SCN4A: variants seen among roughly 807,000 people sequenced by gnomAD.
SCN4A encodes sodium channel protein type 4 subunit alpha.
Under a neutral mutation model 162.0 loss-of-function variants are expected in SCN4A, and 83 were observed. That is an observed-to-expected ratio of 0.51 (90% CI 0.43 to 0.61). The LOEUF (loss-of-function observed/expected upper bound fraction) is 0.61, where lower values mean the gene tolerates loss of function less well. Ranked by LOEUF, SCN4A falls within the 20% of genes least tolerant of loss-of-function variation. SCN4A has a pLI of 0.00. For missense variants in SCN4A, 2,196 were observed against 2,462.5 expected (o/e 0.89, Z 2.29); for synonymous variants, 944 against 985.1 (o/e 0.96, Z 0.78).
chr17:63,964,407 C>T, intron 9 of SCN4A, 61 bp downstream of exon 9: 1 of 1,486,674 alleles, frequency 6.7e-7, no homozygotes, highest in Non-Finnish European at 9.3e-7. Flanking sequence ...AAGCCAGTGG[C>T]AGCCCCGGCT....
At position 63,944,815 on chromosome 17, in the gene SCN4A, G is replaced by A. The variant is rs777201502; in HGVS notation, c.3775-5C>T. 1.9e-6 allele frequency: 3 copies of A among 1,613,144 alleles called. No homozygotes were observed. Among genetic ancestry groups the A allele is most frequent in the African/African-American group, 2.7e-5 (2 of 74,910 alleles). On this transcript the variant is annotated splice_region_variant and splice_polypyrimidine_tract_variant and intron_variant, in intron 20 of 23. Transcript: ENST00000435607. This position sits in a 1 kb window ranked among gnomAD's most constrained non-coding sequence, Gnocchi z 4.3. ...GTACTGCGGCTGCTCCTCCTTCTGT[G>A]GGAGCCACAGGGTGGGACGGCGTGG...
At chr17:63,963,635 C>A in intron 10 of SCN4A, 37 bp downstream of exon 10, 1 of 1,510,828 alleles carries the variant, frequency 6.6e-7, no homozygotes, top group Non-Finnish European at 8.8e-7. Context: ...CAGGCTCCAC[C>A]CCTACCTAAG....
chr17:63,947,395 A>G (rs1330296402), intron 17 of SCN4A, among the ~76,000 whole-genome samples: 1 of 150,712 alleles, frequency 6.6e-6, no homozygotes, highest in African/African-American at 2.4e-5. Flanking sequence ...GATGACTGTG[A>G]GTAGGAGGGA....
In SCN4A at chr17:63,945,127, C is replaced by T; in HGVS notation, c.3721-67G>A. ...CTGCTTTCATCATCCATGAGTTTCC[C>T]TCCCCCACCCAACCTGGTCCTCCCC... On this transcript the variant is annotated intron_variant, in intron 19 of 23. Transcript: ENST00000435607. The surrounding 1 kb of genome is among the most constrained non-coding windows in gnomAD (Gnocchi z 4.4). 6.6e-7 allele frequency: 1 copy of T among 1,525,766 alleles called. No homozygotes were observed. Among genetic ancestry groups the T allele is most frequent in the African/African-American group, 1.4e-5 (1 of 73,378 alleles). 94.5% of individuals were successfully genotyped at this position (1,525,766 alleles called of 1,614,324 possible).
rs1422978630 is a variant in SCN4A at position 63,971,828 on chromosome 17, T to C, written c.505A>G (p.Thr169Ala). ...NVEYTFTGIYTFESLIKILAR... is the reference protein window; with the variant it reads ...NVEYTFTGIYAFESLIKILAR... ...AGTATCTTGATGAGGGACTCAAAGG[T>C]GTAGATCCCTGTGAAGGTGTACCTG... Residue 169 changes from threonine to alanine, a missense_variant, in exon 4 of 24, where the codon ACC becomes GCC. Transcript: ENST00000435607. 2.5e-6 allele frequency: 4 copies of C among 1,613,314 alleles called. No homozygotes were observed. Among genetic ancestry groups the C allele is most frequent in the Non-Finnish European group, 1.7e-6 (2 of 1,179,658 alleles).
At position 63,951,363 on chromosome 17, in the gene SCN4A, C is replaced by T; in HGVS notation, c.2853+61G>A. 1.7e-6 allele frequency: 2 copies of T among 1,196,978 alleles called. No individual in the cohort carries two copies. The highest frequency in any genetic ancestry group is 2.4e-5 in the Admixed American group (1 of 41,080). 74.1% of individuals were successfully genotyped at this position (1,196,978 alleles called of 1,614,324 possible). On this transcript the variant is annotated intron_variant, in intron 14 of 23. Coordinates refer to ENST00000435607, the MANE Select transcript of SCN4A (RefSeq NM_000334.4). The surrounding 1 kb of genome is among the most constrained non-coding windows in gnomAD (Gnocchi z 4.5). Reference sequence around the variant, plus strand: ...ACTGAGGCTCAGAGAGGACTTAGGGCTTGCTCCAGGTCACAGGAGAATTTG... The same window carrying T: ...ACTGAGGCTCAGAGAGGACTTAGGGTTTGCTCCAGGTCACAGGAGAATTTG...
Position 63,944,840 on chromosome 17 carries a change from G to T in SCN4A, c.3775-30C>A, listed in dbSNP as rs1345770189. ...GGGAGCCACAGGGTGGGACGGCGTG[G>T]GTTTGCACGCTGGCTTCTCCCTGCC... is the stretch of plus-strand genomic sequence containing the variant. On this transcript the variant is annotated intron_variant, in intron 20 of 23. Coordinates refer to ENST00000435607, the MANE Select transcript of SCN4A (RefSeq NM_000334.4). This position sits in a 1 kb window ranked among gnomAD's most constrained non-coding sequence, Gnocchi z 4.3. 2 of 1,610,614 alleles carry T rather than the reference G, an allele frequency of 1.2e-6. No individual in the cohort carries two copies. The highest frequency in any genetic ancestry group is 1.7e-5 in the Admixed American group (1 of 59,688).
At chr17:63,959,529 T>G in intron 11 of SCN4A, 91 bp from the exon 12 acceptor site, 4 of 1,254,280 alleles carry the variant, frequency 3.2e-6, no homozygotes, top group South Asian at 1.3e-5. Context: ...TGGCAGAGGC[T>G]GCGGGGGCGG....
intron 13 of SCN4A, among the ~76,000 whole-genome samples, chr17:63,954,351 C>G (rs767208364): frequency 4.6e-5 from 7 of 152,152 alleles, no homozygotes; most frequent in Non-Finnish European, 8.8e-5. Context: ...CCCACCAAAA[C>G]GCATTAGTCT....
At chr17:63,955,630 A>G (rs1383824399) in intron 13 of SCN4A, among the ~76,000 whole-genome samples, 1 of 152,256 alleles carries the variant, frequency 6.6e-6, no homozygotes, top group East Asian at 1.9e-4. Context: ...CTGAAGACTC[A>G]GTCACCCCCA....
chr17:63,945,530 C>G lies in SCN4A; in HGVS notation c.3550G>C (p.Gly1184Arg), dbSNP rs775287099. The G allele has an allele frequency of 1.2e-6, 2 of 1,613,918 alleles. No individual in the cohort carries two copies. The highest frequency in any genetic ancestry group is 1.7e-6 in the Non-Finnish European group (2 of 1,179,870). The part of the protein sequence containing the change: ...FSIMGVNLFA[G>R]KFYYCINTTT... The stretch of plus-strand genomic sequence containing the variant: ...GTGTTGATGCAGTAGTAGAACTTGC[C>G]GGCAAACAGGTTGACACCCATGATG... The change falls in exon 19 of 24, where the codon GGC (glycine) becomes CGC (arginine). Residue 1184 changes from glycine to arginine, a missense_variant. Physicochemically the swap from Gly to Arg is moderately radical, Grantham distance 125. Coordinates refer to ENST00000435607, the MANE Select transcript of SCN4A (RefSeq NM_000334.4). This position sits in a 1 kb window ranked among gnomAD's most constrained non-coding sequence, Gnocchi z 4.4.
At chr17:63,955,382 A>G (rs918004018) in intron 13 of SCN4A, among the ~76,000 whole-genome samples, 1 of 152,332 alleles carries the variant, frequency 6.6e-6, no homozygotes, top group South Asian at 2.1e-4. Flanking sequence ...GCACGCCTGC[A>G]ACACCTGTAC....
chr17:63,943,082 G>A lies in SCN4A; in HGVS notation c.4032C>T (p.Gly1344=), dbSNP rs1908598072. ...PIPRPQNKIQ[G]MVYDLVTKQA... ...GCTTCGTCACGAGGTCATACACCAT[G>A]CCCTGGATCTTGTTCTGCAGCATGG... The change falls in exon 23 of 24, where the codon GGC becomes GGT. Residue 1344 remains glycine (G), a synonymous_variant. Transcript: ENST00000435607. 5.6e-6 allele frequency: 9 copies of A among 1,611,022 alleles called. No individual in the cohort carries two copies. Among genetic ancestry groups the A allele is most frequent in the Non-Finnish European group, 7.6e-6 (9 of 1,177,438 alleles).
At chr17:63,943,169 G>A in intron 22 of SCN4A, 73 bp from the exon 23 acceptor site, 2 of 1,434,770 alleles carry the variant, frequency 1.4e-6, no homozygotes, top group Non-Finnish European at 1.9e-6. Flanking sequence ...ACAGGCAGGA[G>A]GCACAGGATG....
chr17:63,947,179 G>A lies in SCN4A; in HGVS notation c.3319-12C>T, dbSNP rs766233648. On this transcript the variant is annotated splice_polypyrimidine_tract_variant and intron_variant, in intron 17 of 23. Transcript: ENST00000435607. ...CTGATGATGGAGACCTGCAGGGGAG[G>A]GGTGAGGGGATCAGTGCGTGCAAGG... The A allele has an allele frequency of 1.2e-5, 19 of 1,612,862 alleles. No homozygotes were observed. Among genetic ancestry groups the A allele is most frequent in the Admixed American group, 1.7e-5 (1 of 60,014 alleles).
At position 63,944,644 on chromosome 17, in the gene SCN4A, A is replaced by T. The variant is rs1908653156; in HGVS notation, c.3912+29T>A. ...GGCAGGAGGGAGGCCCAGCACCGGGAGGGCCCGAGGGGCTGGGCTGATACT... is the reference window on the plus strand; with the variant it reads ...GGCAGGAGGGAGGCCCAGCACCGGGTGGGCCCGAGGGGCTGGGCTGATACT... On this transcript the variant is annotated intron_variant, in intron 21 of 23. Coordinates refer to ENST00000435607, the MANE Select transcript of SCN4A (RefSeq NM_000334.4). The surrounding 1 kb of genome is among the most constrained non-coding windows in gnomAD (Gnocchi z 4.3). The T allele has an allele frequency of 2.5e-6, 4 of 1,579,294 alleles. No individual in the cohort carries two copies. Among genetic ancestry groups the T allele is most frequent in the Non-Finnish European group, 3.4e-6 (4 of 1,161,724 alleles).
Position 63,943,155 on chromosome 17 carries a change from A to G in SCN4A, c.4018-59T>C. On this transcript the variant is annotated intron_variant, in intron 22 of 23. Coordinates refer to ENST00000435607, the MANE Select transcript of SCN4A (RefSeq NM_000334.4). ...TGGGGTGGCCAGGCCCAGACAGGAC[A>G]TGGACAGGCAGGAGGCACAGGATGG... The G allele has an allele frequency of 5.7e-6, 9 of 1,566,108 alleles. No individual in the cohort carries two copies. In the South Asian group the frequency reaches 7.2e-5, roughly 12 times the overall value.
At chr17:63,963,471 A>G (rs1355055743) in intron 10 of SCN4A, among the ~76,000 whole-genome samples, 2 of 152,246 alleles carry the variant, frequency 1.3e-5, no homozygotes, top group African/African-American at 4.8e-5. Context: ...TAAATATAGT[A>G]TAAATATAGC....
chr17:63,968,594 G>A (rs1909527495), intron 5 of SCN4A, among the ~76,000 whole-genome samples: 2 of 152,196 alleles, frequency 1.3e-5, no homozygotes, highest in South Asian at 4.1e-4. Context: ...ATAAAGACCT[G>A]ATGGGCTGTT....
Sources: gnomAD v4.1 joint callset for allele counts (sites outside exome capture counted in the v4.1 genomes callset) on GRCh38, gnomAD v4.1.1 for gene constraint, Gnocchi (gnomAD v3.1) non-coding constraint, MANE v1.5 for transcripts, NCBI Gene and HGNC (gene_info 2026-07-23, HGNC 2026-07-21) for gene names.